Variants in FHIP1B observed in about 807,000 individuals in gnomAD.
The protein encoded by FHIP1B is FHF complex subunit HOOK interacting protein 1B.
FHIP1B carries 28 observed loss-of-function variants against 82.2 expected under a neutral mutation model. The observed-to-expected ratio is 0.34, with a 90% confidence interval of 0.25 to 0.47. The LOEUF is 0.47. Among genes scored for constraint, FHIP1B ranks in the 20% least tolerant of loss-of-function variants. FHIP1B has a pLI of 1.00. For missense variants in FHIP1B, 1,110 were observed against 1,262.6 expected (o/e 0.88, Z 1.83); for synonymous variants, 585 against 516.1 (o/e 1.13, Z -1.81).
chr11:6,224,632 C>T lies in FHIP1B; in HGVS notation c.-116G>A. On this transcript the variant is annotated 5_prime_UTR_variant, in exon 2 of 12. Transcript: ENST00000449352. ...TCATCCGGTCTGTAGGAGCCAGTAG[C>T]TGCCCATGGAGCCAGAGGTTATACC... 8.9e-7 allele frequency: 1 copy of T among 1,124,898 alleles called. No homozygotes were observed. The highest frequency in any genetic ancestry group is 1.2e-6 in the Non-Finnish European group (1 of 805,476). The allele number at this position is 1,124,898 out of a possible 1,614,324, so 69.7% of individuals were successfully genotyped here. A position where few individuals can be genotyped will look rare whatever the true frequency, so the allele number is the denominator to read the frequency against.
intron 11 of FHIP1B, 50 bp downstream of exon 11, chr11:6,214,361 A>C (rs774528562): frequency 1.3e-6 from 2 of 1,541,732 alleles, no homozygotes; most frequent in Non-Finnish European, 1.8e-6. Context: ...AACCTGGGTT[A>C]ATAGGCTATC....
At chr11:6,215,049 C>T (rs1438772706) in intron 9 of FHIP1B, 138 bp from the exon 10 acceptor site, 9 of 780,416 alleles carry the variant, frequency 1.2e-5, no homozygotes, top group Admixed American at 3.8e-5. Flanking sequence ...TTAAATATCC[C>T]GTGGCCACCT....
intron 1 of FHIP1B, among the ~76,000 whole-genome samples, chr11:6,231,925 G>A (rs890136437): frequency 6.6e-6 from 1 of 152,196 alleles, no homozygotes; most frequent in Non-Finnish European, 1.5e-5. Flanking sequence ...TTTTATTCAT[G>A]TTGTTATCCC....
chr11:6,222,487 G>C lies in FHIP1B; in HGVS notation c.1146C>G (p.His382Gln). The change falls in exon 6 of 12, where the codon CAC (histidine) becomes CAG (glutamine). Residue 382 changes from histidine to glutamine, a missense_variant. Physicochemically the swap from His to Gln is conservative, Grantham distance 24. Transcript: ENST00000449352. ...GAGCAACGAGGGTGTCGAGGATGGT[G>C]TGGGTGTCATGCCGGTGCAACAACA... ...RFLLLHRHDT[H>Q]TILDTLVARI... 1 of 1,614,114 alleles carries C rather than the reference G, an allele frequency of 6.2e-7. No homozygotes were observed. Among genetic ancestry groups the C allele is most frequent in the South Asian group, 1.1e-5 (1 of 91,074 alleles).
chr11:6,223,294 T>C lies in FHIP1B; in HGVS notation c.778-56A>G. 6.6e-7 allele frequency: 1 copy of C among 1,525,772 alleles called. No homozygotes were observed. Among genetic ancestry groups the C allele is most frequent in the Non-Finnish European group, 8.8e-7 (1 of 1,133,194 alleles). The allele number at this position is 1,525,772 out of a possible 1,614,324, so 94.5% of individuals were successfully genotyped here. ...AAATACATTTATAAAATATAAAAAC[T>C]GGAACAGGGGAGCTAGTAATCCAGA... On this transcript the variant is annotated intron_variant, in intron 3 of 11. Transcript: ENST00000449352. The surrounding 1 kb of genome is among the most constrained non-coding windows in gnomAD (Gnocchi z 4.8).
At position 6,223,476 on chromosome 11, in the gene FHIP1B, G is replaced by A. The variant is rs1018474003; in HGVS notation, c.777+134C>T. ...TTCATCCCCACTACAACTCCAGGGG[G>A]CTGCTTTCAAATCCAGGAACTGTTT... On this transcript the variant is annotated intron_variant, in intron 3 of 11. Coordinates refer to ENST00000449352, the MANE Select transcript of FHIP1B (RefSeq NM_001098794.2). This position sits in a 1 kb window ranked among gnomAD's most constrained non-coding sequence, Gnocchi z 4.8. The A allele has an allele frequency of 3.3e-6, 4 of 1,202,782 alleles. No homozygotes were observed. Among genetic ancestry groups the A allele is most frequent in the Middle Eastern group, 4.0e-4 (2 of 4,960 alleles). The allele number at this position is 1,202,782 out of a possible 1,614,324, so 74.5% of individuals were successfully genotyped here. A position where few individuals can be genotyped will look rare whatever the true frequency, so the allele number is the denominator to read the frequency against.
Position 6,223,359 on chromosome 11 carries a change from A to G in FHIP1B, c.778-121T>C, listed in dbSNP as rs1316358564. ...AGGGGTATAAGCTATTACCAAAGCA[A>G]GCATTTGCCTACCCAATGTGCCTGA... On this transcript the variant is annotated intron_variant, in intron 3 of 11. Transcript: ENST00000449352. The surrounding 1 kb of genome is among the most constrained non-coding windows in gnomAD (Gnocchi z 4.8). 1 of 1,140,548 alleles carries G rather than the reference A, an allele frequency of 8.8e-7. No individual in the cohort carries two copies. The highest frequency in any genetic ancestry group is 1.6e-5 in the African/African-American group (1 of 63,148). 70.7% of individuals were successfully genotyped at this position (1,140,548 alleles called of 1,614,324 possible). A position where few individuals can be genotyped will look rare whatever the true frequency, so the allele number is the denominator to read the frequency against.
Position 6,214,401 on chromosome 11 carries a change from T to G in FHIP1B, c.2557+10A>C. On this transcript the variant is annotated intron_variant, in intron 11 of 11. Coordinates refer to ENST00000449352, the MANE Select transcript of FHIP1B (RefSeq NM_001098794.2). ...GAGGGCAGGTACGGGTGTGGTGGGA[T>G]AGGCCTCACCTAGGGGATCAGAACG... 6.2e-7 allele frequency: 1 copy of G among 1,600,572 alleles called. No individual in the cohort carries two copies. The highest frequency in any genetic ancestry group is 8.5e-7 in the Non-Finnish European group (1 of 1,172,426).
intron 1 of FHIP1B, among the ~76,000 whole-genome samples, chr11:6,232,174 G>A (rs975592460): frequency 3.3e-5 from 5 of 152,102 alleles, no homozygotes; most frequent in African/African-American, 1.2e-4. Flanking sequence ...TATACTTAAT[G>A]CACTACTATT....
At position 6,218,639 on chromosome 11, in the gene FHIP1B, G is replaced by A. The variant is rs965204786; in HGVS notation, c.1396C>T (p.Pro466Ser). Residue 466 changes from proline to serine, a missense_variant, in exon 8 of 12, where the codon CCC (proline) becomes TCC (serine). Pro to Ser is a moderately conservative substitution (Grantham distance 74, BLOSUM62 -1). This residue lies in a region of FHIP1B where 418 missense variants were observed against 371.4 expected (regional missense o/e 1.13). Coordinates refer to ENST00000449352, the MANE Select transcript of FHIP1B (RefSeq NM_001098794.2). Reference protein sequence around the residue: ...LIPRCCRHHAPSPPRPEHASW... With the variant: ...LIPRCCRHHASSPPRPEHASW... ...GCATGCTCTGGACGAGGTGGGCTGG[G>A]GGCGTGGTGCCGACAACAGCGTGGG... The A allele has an allele frequency of 1.2e-6, 2 of 1,614,200 alleles. No individual in the cohort carries two copies. Among genetic ancestry groups the A allele is most frequent in the Non-Finnish European group, 1.7e-6 (2 of 1,180,032 alleles).
In FHIP1B at chr11:6,224,582, T is replaced by C; in HGVS notation, c.-66A>G. Reference sequence around the variant, plus strand: ...CTGAGGATTTGCCAGCTGGAGGTTTTCTCCACTTGTGTCTCCAGTCTGCTT... The same window carrying C: ...CTGAGGATTTGCCAGCTGGAGGTTTCCTCCACTTGTGTCTCCAGTCTGCTT... On this transcript the variant is annotated 5_prime_UTR_variant, in exon 2 of 12. Coordinates refer to ENST00000449352, the MANE Select transcript of FHIP1B (RefSeq NM_001098794.2). The C allele has an allele frequency of 6.6e-7, 1 of 1,507,762 alleles. No homozygotes were observed. The highest frequency in any genetic ancestry group is 8.9e-7 in the Non-Finnish European group (1 of 1,124,214). The allele number at this position is 1,507,762 out of a possible 1,614,324, so 93.4% of individuals were successfully genotyped here.
chr11:6,230,878 G>A (rs1411700453), intron 1 of FHIP1B, among the ~76,000 whole-genome samples: 1 of 152,218 alleles, frequency 6.6e-6, no homozygotes, highest in Non-Finnish European at 1.5e-5. Flanking sequence ...TTAGGGAACT[G>A]TGAACAATTT....
intron 1 of FHIP1B, among the ~76,000 whole-genome samples, chr11:6,233,717 T>C (rs1229217670): frequency 1.3e-5 from 2 of 152,188 alleles, no homozygotes; most frequent in Non-Finnish European, 2.9e-5. Context: ...CAACTGAATA[T>C]GGTCAATCCA....
At chr11:6,216,767 C>G (rs1847238673) in intron 9 of FHIP1B, 2 of 449,832 alleles carry the variant, frequency 4.4e-6, no homozygotes, top group Admixed American at 7.7e-5. Flanking sequence ...TTAAGACAGT[C>G]TTAGTGCTAG....
At chr11:6,231,594 C>T (rs368727565) in intron 1 of FHIP1B, among the ~76,000 whole-genome samples, 9 of 151,782 alleles carry the variant, frequency 5.9e-5, no homozygotes, top group South Asian at 2.1e-4. Flanking sequence ...CCTCAGCCTC[C>T]GGAGTAGCCA....
chr11:6,228,770 G>A (rs1256043939), intron 1 of FHIP1B, among the ~76,000 whole-genome samples: 1 of 152,220 alleles, frequency 6.6e-6, no homozygotes, highest in Non-Finnish European at 1.5e-5. Flanking sequence ...TTCATACATG[G>A]TTTCTTAATA....
chr11:6,219,419 A>G (rs1847345133), intron 6 of FHIP1B, among the ~76,000 whole-genome samples: 3 of 152,358 alleles, frequency 2.0e-5, no homozygotes, highest in Admixed American at 2.0e-4. Flanking sequence ...CAACAGAAAC[A>G]TGGTAATTAA....
At chr11:6,219,113 C>T in intron 6 of FHIP1B, 63 bp from the exon 7 acceptor site, 1 of 1,378,744 alleles carries the variant, frequency 7.3e-7, no homozygotes, top group Non-Finnish European at 1.0e-6. Flanking sequence ...AAGCCATTCA[C>T]CAAACGGGAA....
At position 6,222,627 on chromosome 11, in the gene FHIP1B, A is replaced by G. The variant is rs1248258617; in HGVS notation, c.1024-18T>C. Reference sequence around the variant, plus strand: ...ACAGAGGTCTGCACAAAAAGAAGGGAAAGTCTGGAAATGCACAGCTTCCCT... The same window carrying G: ...ACAGAGGTCTGCACAAAAAGAAGGGGAAGTCTGGAAATGCACAGCTTCCCT... On this transcript the variant is annotated intron_variant, in intron 5 of 11. Transcript: ENST00000449352. 2 of 1,612,872 alleles carry G rather than the reference A, an allele frequency of 1.2e-6. No individual in the cohort carries two copies. The highest frequency in any genetic ancestry group is 8.5e-7 in the Non-Finnish European group (1 of 1,178,994).
Sources: allele counts gnomAD v4.1 joint callset (sites outside exome capture counted in the v4.1 genomes callset), GRCh38; gene constraint gnomAD v4.1.1; regional missense constraint gnomAD v4.1.1; non-coding constraint Gnocchi (gnomAD v3.1); transcripts MANE v1.5; gene names NCBI Gene and HGNC (gene_info 2026-07-23, HGNC 2026-07-21).